AKR1C2: variants seen among roughly 807,000 people sequenced by gnomAD.
AKR1C2 encodes 3-alpha-HSD3.
A neutral mutation model predicts 39.8 loss-of-function variants in AKR1C2; 27 were observed. The ratio of observed to expected loss-of-function variants is 0.68; its 90% CI spans 0.50 to 0.93. The LOEUF (loss-of-function observed/expected upper bound fraction) is 0.93. AKR1C2 is among the 40% of genes least tolerant of loss of function. The probability of loss-of-function intolerance (pLI) is 0.00; values close to 1 mark genes in which losing one functional copy is unlikely to be tolerated. For missense variants in AKR1C2, 263 were observed against 365.1 expected, an observed-to-expected ratio of 0.72 and a Z score of 2.28; for synonymous variants, 114 against 137.9, an observed-to-expected ratio of 0.83 and a Z score of 1.22.
At position 4,988,832 on chromosome 10, in the gene AKR1C2, T is replaced by C. The variant is rs1836745191; in HGVS notation, c.*1164A>G. The C allele has an allele frequency of 6.6e-6, 1 of 151,308 alleles. No individual in the cohort carries two copies. The highest frequency in any genetic ancestry group is 2.1e-4 in the South Asian group (1 of 4,728). 9.4% of individuals were successfully genotyped at this position (151,308 alleles called of 1,614,324 possible). ...AAATCATGTCTTCATGATTAGCTGA[T>C]TTGATTAGTTCCCCTGAAAATTATG... On this transcript the variant is annotated 3_prime_UTR_variant, in exon 9 of 9. Coordinates refer to ENST00000380753, the MANE Select transcript of AKR1C2 (RefSeq NM_001393392.1).
intron 1 of AKR1C2, 103 bp downstream of exon 1, chr10:5,003,649 G>T: frequency 8.4e-7 from 1 of 1,184,162 alleles, no homozygotes; most frequent in East Asian, 2.4e-5. Context: ...ACGTTTAAAG[G>T]GGAGTCATGC....
intron 5 of AKR1C2, among the ~76,000 whole-genome samples, chr10:4,997,016 A>C (rs1554773175): frequency 6.6e-6 from 1 of 152,138 alleles, no homozygotes. Context: ...CCAGCAGATT[A>C]CTAGTAATTG....
chr10:5,009,442 C>T (rs1837474457), intron 1 of AKR1C2, among the ~76,000 whole-genome samples: 3 of 151,972 alleles, frequency 2.0e-5, no homozygotes, highest in Non-Finnish European at 4.4e-5. Flanking sequence ...GCGACCACTC[C>T]TAGATAGGTC....
chr10:5,016,332 T>G (rs1837638456), intron 1 of AKR1C2, among the ~76,000 whole-genome samples: 1 of 152,224 alleles, frequency 6.6e-6, no homozygotes. Context: ...AGTTACTTTC[T>G]AGATACAATG....
intron 1 of AKR1C2, chr10:5,010,710 A>G (rs1488125072): frequency 2.6e-5 from 4 of 152,220 alleles, no homozygotes; most frequent in Non-Finnish European, 4.4e-5. Flanking sequence ...CAAAGCTTTT[A>G]TAGCAAAATT....
At chr10:5,004,911 A>G (rs1181009665), upstream of AKR1C2, 4 of 145,878 alleles carry the variant, frequency 2.7e-5, no homozygotes, top group Non-Finnish European at 6.0e-5. Flanking sequence ...TAATATTATA[A>G]AGATATTGAA....
At position 4,988,256 on chromosome 10, in the gene AKR1C2, T is replaced by C. The variant is rs1554771691; in HGVS notation, c.*1740A>G. The C allele has an allele frequency of 6.6e-6, 1 of 152,208 alleles. No homozygotes were observed. The highest frequency in any genetic ancestry group is 2.4e-5 in the African/African-American group (1 of 41,458). The allele number at this position is 152,208 out of a possible 1,614,324, so 9.4% of individuals were successfully genotyped here. A position where few individuals can be genotyped will look rare whatever the true frequency, so the allele number is the denominator to read the frequency against. On this transcript the variant is annotated 3_prime_UTR_variant, in exon 9 of 9. Transcript: ENST00000380753. ...CAGTCAAGTTTATGAGATGTGAAATTATCATTCCATAGACTCAGAAAGTTA... is the reference window on the plus strand; with the variant it reads ...CAGTCAAGTTTATGAGATGTGAAATCATCATTCCATAGACTCAGAAAGTTA...
intron 7 of AKR1C2, among the ~76,000 whole-genome samples, chr10:4,992,375 C>T (rs140563403): frequency 0.014 from 2,196 of 152,246 alleles, 62 homozygotes; most frequent in African/African-American, 0.05. Flanking sequence ...TAAATACTAA[C>T]GATTTCACAT....
chr10:4,993,194 C>G (rs1383182834), intron 7 of AKR1C2, among the ~76,000 whole-genome samples: 21 of 151,900 alleles, frequency 1.4e-4, no homozygotes, highest in African/African-American at 4.4e-4. Flanking sequence ...ACACATTAGT[C>G]AAGAATAGCT....
chr10:4,993,675 A>G (rs528061138), intron 7 of AKR1C2, among the ~76,000 whole-genome samples: 12 of 152,210 alleles, frequency 7.9e-5, no homozygotes, highest in African/African-American at 2.9e-4. Flanking sequence ...CACAGAGAAT[A>G]TGACAACGCA....
At chr10:4,993,106 G>T (rs1836899345) in intron 7 of AKR1C2, among the ~76,000 whole-genome samples, 1 of 152,138 alleles carries the variant, frequency 6.6e-6, no homozygotes, top group African/African-American at 2.4e-5. Flanking sequence ...TGATCTGCAG[G>T]CTTATTACAA....
intron 3 of AKR1C2, chr10:4,999,479 A>T (rs1554773595): frequency 1.9e-6 from 2 of 1,059,234 alleles, no homozygotes; most frequent in African/African-American, 1.6e-5. Context: ...TCTTACACCT[A>T]TTATATGTAT....
Position 5,014,521 on chromosome 10 carries a change from T to A in AKR1C2, c.-88+3379A>T, listed in dbSNP as rs531604840. On this transcript the variant is annotated intron_variant, in intron 1 of 6. Transcript: ENST00000604507. Reference sequence around the variant, plus strand: ...TGGCATCCAAACCACGCCTTCATCATTTAGTTTTCAACCTTTCTTATCTTG... The same window carrying A: ...TGGCATCCAAACCACGCCTTCATCAATTAGTTTTCAACCTTTCTTATCTTG... Among the ~76,000 whole-genome samples, 20 of 152,222 alleles carry A rather than the reference T, an allele frequency of 1.3e-4. No homozygotes were observed. In the South Asian group the frequency reaches 2.9e-3, roughly 22 times the overall value.
chr10:5,003,145 T>C (rs1479389360), intron 1 of AKR1C2, among the ~76,000 whole-genome samples: 1 of 151,846 alleles, frequency 6.6e-6, no homozygotes, highest in African/African-American at 2.4e-5. Context: ...AATATTTTGA[T>C]ACAAATCTGA....
At chr10:4,993,086 C>A (rs759891065) in intron 7 of AKR1C2, among the ~76,000 whole-genome samples, 27 of 152,184 alleles carry the variant, frequency 1.8e-4, no homozygotes, top group Non-Finnish European at 2.9e-5. Flanking sequence ...AGATTCAGTT[C>A]TCTCTGCATT....
chr10:5,006,868 G>A (rs563879584), upstream of AKR1C2, among the ~76,000 whole-genome samples: 19 of 151,124 alleles, frequency 1.3e-4, no homozygotes, highest in African/African-American at 3.6e-4. Context: ...TCTTTCTCCC[G>A]GTTCAAGCAA....
At chr10:5,010,629 G>C (rs1275031050) in intron 1 of AKR1C2, 1 of 152,112 alleles carries the variant, frequency 6.6e-6, no homozygotes, top group African/African-American at 2.4e-5. Context: ...GCGTTGGCTA[G>C]GGCTGGGTTG....
At chr10:5,001,483 T>C in intron 2 of AKR1C2, 31 bp downstream of exon 2, 1 of 1,601,820 alleles carries the variant, frequency 6.2e-7, no homozygotes, top group East Asian at 2.2e-5. Context: ...AATAAATACA[T>C]GTGCACACAA....
chr10:5,014,136 T>C (rs1837581354), intron 1 of AKR1C2, among the ~76,000 whole-genome samples: 2 of 152,206 alleles, frequency 1.3e-5, no homozygotes, highest in South Asian at 2.1e-4. Flanking sequence ...CTTTTGATTA[T>C]TGTGAATAGA....
Sources: gnomAD v4.1 joint callset for allele counts (sites outside exome capture counted in the v4.1 genomes callset) on GRCh38, gnomAD v4.1.1 for gene constraint, MANE v1.5 for transcripts, NCBI Gene and HGNC (gene_info 2026-07-23, HGNC 2026-07-21) for gene names.